SPON1: variants seen among roughly 807,000 people sequenced by gnomAD.
SPON1 encodes the protein spondin 1.
SPON1 carries 52 observed loss-of-function variants against 111.7 expected under a neutral mutation model. That is an observed-to-expected ratio of 0.47 (90% CI 0.37 to 0.59). The LOEUF is 0.59. Among genes scored for constraint, SPON1 ranks in the 20% least tolerant of loss-of-function variants. The probability of loss-of-function intolerance (pLI) is 0.00; values close to 1 mark genes in which losing one functional copy is unlikely to be tolerated. For missense variants in SPON1, 957 were observed against 1,068.5 expected, an observed-to-expected ratio of 0.90 and a Z score of 1.46; for synonymous variants, 410 against 395.8, an observed-to-expected ratio of 1.04 and a Z score of -0.43.
Position 14,079,808 on chromosome 11 carries a change from AG to A in SPON1, c.554-88del, listed in dbSNP as rs1848947017. The A allele has an allele frequency of 2.2e-6, 3 of 1,390,502 alleles. No homozygotes were observed. The East Asian group carries it at 6.9e-5, about 32-fold the overall frequency. The allele number at this position is 1,390,502 out of a possible 1,614,324, so 86.1% of individuals were successfully genotyped here. A position where few individuals can be genotyped will look rare whatever the true frequency, so the allele number is the denominator to read the frequency against. ...ATGAAAGCTGCATCTTCTTTTCCTA[AG>A]GGTTAAGGATAAAATGAGACCATGA... On this transcript the variant is annotated intron_variant, in intron 4 of 15. Coordinates refer to ENST00000576479, the MANE Select transcript of SPON1 (RefSeq NM_006108.4).
intron 3 of SPON1, among the ~76,000 whole-genome samples, chr11:14,054,305 G>C (rs1313849492): frequency 6.6e-6 from 1 of 152,194 alleles, no homozygotes; most frequent in African/African-American, 2.4e-5. Flanking sequence ...TGGTGCACTT[G>C]TAAGTCCAGG....
At chr11:14,044,334 G>A (rs567085152) in intron 3 of SPON1, among the ~76,000 whole-genome samples, 2 of 152,276 alleles carry the variant, frequency 1.3e-5, no homozygotes, top group South Asian at 2.1e-4. Context: ...CATCTTGGCT[G>A]GACACAGTGG....
chr11:13,974,230 A>G (rs1848085229), intron 1 of SPON1, among the ~76,000 whole-genome samples: 1 of 152,192 alleles, frequency 6.6e-6, no homozygotes, highest in Admixed American at 6.5e-5. Flanking sequence ...TTATAACTCC[A>G]TGTTATAAGT....
chr11:13,983,181 T>TCTTCTCTGGGCC (rs1170421159), intron 2 of SPON1, among the ~76,000 whole-genome samples: 3 of 152,246 alleles, frequency 2.0e-5, no homozygotes, highest in Admixed American at 6.5e-5. Context: ...ATCACGGGGC[T>TCTTCTCTGGGCC]CTTCTCTGGG....
At chr11:14,057,782 C>T (rs1300714242) in intron 3 of SPON1, among the ~76,000 whole-genome samples, 2 of 148,932 alleles carry the variant, frequency 1.3e-5, no homozygotes, top group Non-Finnish European at 3.0e-5. Flanking sequence ...ATTGCTTGAA[C>T]CCAGGAGTTC....
intron 2 of SPON1, among the ~76,000 whole-genome samples, chr11:13,999,350 A>G (rs781806497): frequency 2.0e-5 from 3 of 152,038 alleles, no homozygotes; most frequent in Non-Finnish European, 4.4e-5. Flanking sequence ...GATCATTTCC[A>G]TGAGATACAG....
intron 1 of SPON1, among the ~76,000 whole-genome samples, chr11:13,971,718 C>T (rs1848064711): frequency 6.6e-6 from 1 of 152,156 alleles, no homozygotes; most frequent in Non-Finnish European, 1.5e-5. Flanking sequence ...CAGCCTCCCA[C>T]ACACTTTAGC....
At chr11:14,215,163 C>G (rs1848613832) in intron 6 of SPON1, among the ~76,000 whole-genome samples, 1 of 152,086 alleles carries the variant, frequency 6.6e-6, no homozygotes, top group Admixed American at 6.6e-5. Context: ...TAAAGCAGTC[C>G]TCCCACCTCA....
chr11:14,111,360 G>T (rs1408965681), intron 5 of SPON1, among the ~76,000 whole-genome samples: 1 of 152,136 alleles, frequency 6.6e-6, no homozygotes, highest in Non-Finnish European at 1.5e-5. Context: ...CATTAGAGTT[G>T]GTTGGGACTG....
chr11:14,243,393 A>G lies in SPON1; in HGVS notation c.887A>G (p.Asn296Ser). 6.4e-7 allele frequency: 1 copy of G among 1,570,824 alleles called. No homozygotes were observed. Among genetic ancestry groups the G allele is most frequent in the Non-Finnish European group, 8.6e-7 (1 of 1,157,382 alleles). Residue 296 changes from asparagine to serine, a missense_variant, in exon 7 of 16, where the codon AAC becomes AGC. This residue lies in a region of SPON1 where 122 missense variants were observed against 143.2 expected (regional missense o/e 0.85). Coordinates refer to ENST00000576479, the MANE Select transcript of SPON1 (RefSeq NM_006108.4). Reference sequence around the variant, plus strand: ...CAATGGCCAGCCTGGCAGCCTCTCAACGTGTAAGTAACACAAGTCCCTTGC... The same window carrying G: ...CAATGGCCAGCCTGGCAGCCTCTCAGCGTGTAAGTAACACAAGTCCCTTGC... The part of the protein sequence containing the change: ...KAQWPAWQPL[N>S]VRAAPSAEFS...
chr11:13,971,967 C>A (rs1554908636), intron 1 of SPON1, among the ~76,000 whole-genome samples: 1 of 152,192 alleles, frequency 6.6e-6, no homozygotes, highest in African/African-American at 2.4e-5. Context: ...AACTTTCACA[C>A]ATCTGTCCAA....
intron 6 of SPON1, among the ~76,000 whole-genome samples, chr11:14,215,239 T>A (rs1446356608): frequency 6.6e-6 from 1 of 152,114 alleles, no homozygotes; most frequent in African/African-American, 2.4e-5. Flanking sequence ...TTGTAATATG[T>A]CATCAGTGGC....
At chr11:14,253,923 A>G (rs1285153265) in intron 7 of SPON1, among the ~76,000 whole-genome samples, 2 of 152,170 alleles carry the variant, frequency 1.3e-5, no homozygotes, top group African/African-American at 4.8e-5. Flanking sequence ...CATGTATCTC[A>G]CATGGTCCCA....
At chr11:14,114,482 T>C (rs955598053) in intron 5 of SPON1, among the ~76,000 whole-genome samples, 1 of 152,192 alleles carries the variant, frequency 6.6e-6, no homozygotes, top group Non-Finnish European at 1.5e-5. Context: ...CTGTTCCAGC[T>C]TAATCTCATG....
At chr11:14,213,854 T>C (rs1363587232) in intron 6 of SPON1, among the ~76,000 whole-genome samples, 1 of 152,250 alleles carries the variant, frequency 6.6e-6, no homozygotes, top group Non-Finnish European at 1.5e-5. Flanking sequence ...GGCTTTTTTA[T>C]AAGGATGTGT....
chr11:14,254,385 T>C, intron 7 of SPON1, 143 bp from the exon 8 acceptor site: 1 of 725,512 alleles, frequency 1.4e-6, no homozygotes, highest in Non-Finnish European at 2.2e-6. Flanking sequence ...AAACCCACAG[T>C]GGCCAAAGGC....
chr11:14,251,335 A>G (rs1849051019), intron 7 of SPON1, among the ~76,000 whole-genome samples: 1 of 152,218 alleles, frequency 6.6e-6, no homozygotes, highest in South Asian at 2.1e-4. Context: ...CCACACCTTG[A>G]AACACTTACC....
intron 3 of SPON1, among the ~76,000 whole-genome samples, chr11:14,073,956 C>G (rs1189070559): frequency 6.6e-6 from 1 of 152,176 alleles, no homozygotes; most frequent in Admixed American, 6.5e-5. Flanking sequence ...GCCTGGGATA[C>G]TTCCCACTAA....
chr11:14,212,609 T>A (rs1467526329), intron 6 of SPON1, among the ~76,000 whole-genome samples: 1 of 152,224 alleles, frequency 6.6e-6, no homozygotes, highest in African/African-American at 2.4e-5. Context: ...GGGGTCATAT[T>A]ACTTAGAGTA....
Sources: gnomAD v4.1 joint callset for allele counts (sites outside exome capture counted in the v4.1 genomes callset) on GRCh38, gnomAD v4.1.1 for gene constraint, gnomAD v4.1.1 regional missense constraint, MANE v1.5 for transcripts, NCBI Gene and HGNC (gene_info 2026-07-23, HGNC 2026-07-21) for gene names.